The following HHAT variants were observed in gnomAD, a reference collection of about 807,000 sequenced individuals.
The protein encoded by HHAT is protein-cysteine N-palmitoyltransferase HHAT.
In HHAT, 47 loss-of-function variants were observed where a neutral mutation model predicts 70.8. The ratio of observed to expected loss-of-function variants is 0.66; its 90% CI spans 0.53 to 0.85. HHAT has a LOEUF of 0.85. Ranked by LOEUF, HHAT falls within the 40% of genes least tolerant of loss-of-function variation. The pLI is 0.00. For synonymous variants in HHAT, 228 were observed against 247.6 expected (o/e 0.92, Z 0.74); for missense variants, 609 against 604.8 (o/e 1.01, Z -0.07).
chr1:210,548,775 A>G (rs2095504749), intron 9 of HHAT, among the ~76,000 whole-genome samples: 2 of 152,388 alleles, frequency 1.3e-5, no homozygotes, highest in South Asian at 4.1e-4. Flanking sequence ...TTAAGAAGGT[A>G]GATCACGGCC....
At chr1:210,532,573 GGCA>G (rs754869134) in intron 9 of HHAT, among the ~76,000 whole-genome samples, 16 of 152,160 alleles carry the variant, frequency 1.1e-4, no homozygotes, top group Non-Finnish European at 2.1e-4. Flanking sequence ...GACTAAAGCA[GGCA>G]AATTCCTATA....
At chr1:210,575,654 T>A (rs1038290150) in intron 9 of HHAT, among the ~76,000 whole-genome samples, 1 of 152,190 alleles carries the variant, frequency 6.6e-6, no homozygotes, top group Non-Finnish European at 1.5e-5. Context: ...CTAGTTTTGA[T>A]GCATGACATC....
intron 8 of HHAT, among the ~76,000 whole-genome samples, chr1:210,511,792 T>TG (rs2094957286): frequency 1.3e-5 from 1 of 76,876 alleles, no homozygotes; most frequent in African/African-American, 4.6e-5. Context: ...TTTTTTTTTT[T>TG]TTTTTTTTTT....
chr1:210,404,184 G>T (rs6677509), intron 5 of HHAT, among the ~76,000 whole-genome samples: 1 of 152,026 alleles, frequency 6.6e-6, no homozygotes, highest in Non-Finnish European at 1.5e-5. Flanking sequence ...GAAAACCTTC[G>T]TTATGTTGTG....
chr1:210,472,447 C>T (rs2094221671), intron 8 of HHAT, among the ~76,000 whole-genome samples: 1 of 152,154 alleles, frequency 6.6e-6, no homozygotes, highest in Non-Finnish European at 1.5e-5. Flanking sequence ...TCTACTGTCT[C>T]TCTAGTGAAA....
At chr1:210,664,838 C>T (rs1435276077) in intron 11 of HHAT, among the ~76,000 whole-genome samples, 3 of 152,196 alleles carry the variant, frequency 2.0e-5, no homozygotes, top group Non-Finnish European at 4.4e-5. Flanking sequence ...GCATATCATT[C>T]TTTTAATGTC....
At chr1:210,648,672 C>G (rs10863847) in intron 11 of HHAT, among the ~76,000 whole-genome samples, 1 of 151,864 alleles carries the variant, frequency 6.6e-6, no homozygotes, top group Non-Finnish European at 1.5e-5. Context: ...TGATTATGCA[C>G]AACACGCATT....
chr1:210,404,722 C>G (rs555603029), intron 6 of HHAT, 43 bp downstream of exon 6: 20 of 1,519,316 alleles, frequency 1.3e-5, no homozygotes, highest in South Asian at 6.8e-5. Flanking sequence ...ATAGCTTAAG[C>G]CTTTGTCGCT....
intron 2 of HHAT, among the ~76,000 whole-genome samples, chr1:210,357,213 A>G (rs1316440057): frequency 6.6e-6 from 1 of 152,032 alleles, no homozygotes; most frequent in Non-Finnish European, 1.5e-5. Flanking sequence ...CTGGGTTAAC[A>G]CTGGTCCTTC....
intron 3 of HHAT, chr1:210,374,081 G>A (rs1259097958): frequency 6.6e-6 from 1 of 152,198 alleles, no homozygotes. Flanking sequence ...AACAAACAGT[G>A]ACAATGAATC....
intron 6 of HHAT, among the ~76,000 whole-genome samples, chr1:210,415,669 T>A (rs1478234477): frequency 1.3e-5 from 2 of 151,752 alleles, no homozygotes; most frequent in Non-Finnish European, 2.9e-5. Flanking sequence ...ATTTTTTCCT[T>A]TTTTTTTGAG....
At chr1:210,582,007 C>T (rs535448953) in intron 9 of HHAT, among the ~76,000 whole-genome samples, 1 of 152,230 alleles carries the variant, frequency 6.6e-6, no homozygotes, top group Admixed American at 6.5e-5. Context: ...ATAATAGACA[C>T]ATTTTGGTAA....
chr1:210,358,815 C>T (rs2087936019), intron 2 of HHAT, among the ~76,000 whole-genome samples: 1 of 152,214 alleles, frequency 6.6e-6, no homozygotes, highest in African/African-American at 2.4e-5. Flanking sequence ...TTACTACACA[C>T]ACCCCAGAAT....
chr1:210,604,502 G>A (rs1363351343), intron 10 of HHAT, among the ~76,000 whole-genome samples: 2 of 152,132 alleles, frequency 1.3e-5, no homozygotes, highest in African/African-American at 2.4e-5. Flanking sequence ...ACACAGAAAA[G>A]TATGTGAAAG....
At chr1:210,607,742 TCC>T (rs529261489) in intron 10 of HHAT, among the ~76,000 whole-genome samples, 1 of 151,894 alleles carries the variant, frequency 6.6e-6, no homozygotes, top group African/African-American at 2.4e-5. Context: ...TTTTTTTTTT[TCC>T]CCGTTACTTC....
intron 9 of HHAT, among the ~76,000 whole-genome samples, chr1:210,561,517 TGC>T (rs2095622649): frequency 6.6e-6 from 1 of 152,178 alleles, no homozygotes; most frequent in Admixed American, 6.5e-5. Context: ...GTGTGGCAAG[TGC>T]CCAGCCATCT....
chr1:210,639,271 C>G (rs765007230), intron 11 of HHAT, among the ~76,000 whole-genome samples: 7 of 151,936 alleles, frequency 4.6e-5, no homozygotes, highest in Non-Finnish European at 7.4e-5. Flanking sequence ...CAATCCAAAA[C>G]AAAAAACAAA....
chr1:210,422,160 A>G (rs1342281009), intron 7 of HHAT, among the ~76,000 whole-genome samples: 1 of 152,212 alleles, frequency 6.6e-6, no homozygotes, highest in African/African-American at 2.4e-5. Flanking sequence ...ACAAATAATA[A>G]TTGTACATAC....
At chr1:210,393,995 G>A (rs1444497252) in intron 4 of HHAT, among the ~76,000 whole-genome samples, 1 of 152,150 alleles carries the variant, frequency 6.6e-6, no homozygotes, top group Admixed American at 6.5e-5. Flanking sequence ...TACTCAGAGT[G>A]GAAGATTTAG....
Sources: gnomAD v4.1 joint callset for allele counts (sites outside exome capture counted in the v4.1 genomes callset) on GRCh38, gnomAD v4.1.1 for gene constraint, MANE v1.5 for transcripts, NCBI Gene and HGNC (gene_info 2026-07-23, HGNC 2026-07-21) for gene names.